CALCR: variants seen among roughly 807,000 people sequenced by gnomAD.
CALCR encodes calcitonin receptor.
A neutral mutation model predicts 59.5 loss-of-function variants in CALCR; 47 were observed. The observed-to-expected ratio is 0.79, with a 90% CI of 0.63 to 1.01. CALCR has a LOEUF of 1.01. Ranked by LOEUF, CALCR falls within the 50% of genes least tolerant of loss-of-function variation. The pLI, the probability that CALCR is intolerant of heterozygous loss-of-function variation, is 0.00. For missense variants in CALCR, 566 were observed against 597.1 expected (o/e 0.95, Z 0.54); for synonymous variants, 213 against 211.3 (o/e 1.01, Z -0.07).
chr7:93,527,064 A>T (rs866644123), intron 2 of CALCR, among the ~76,000 whole-genome samples: 131 of 152,058 alleles, frequency 8.6e-4, no homozygotes, highest in African/African-American at 3.0e-3. Context: ...TGTATTATGA[A>T]ATGTATTTTT....
chr7:93,436,238 A>G (rs1799776169), intron 11 of CALCR, 68 bp from the exon 12 acceptor site: 20 of 1,290,144 alleles, frequency 1.6e-5, no homozygotes, highest in Non-Finnish European at 1.9e-5. Context: ...CACTGTTCTC[A>G]ATTCTTGTTT....
At chr7:93,527,008 T>C (rs1349257986) in intron 2 of CALCR, among the ~76,000 whole-genome samples, 1 of 151,928 alleles carries the variant, frequency 6.6e-6, no homozygotes, top group Non-Finnish European at 1.5e-5. Flanking sequence ...TTGGGAAAAG[T>C]CTATTTTTTT....
At chr7:93,569,576 G>C (rs1328367526) in intron 2 of CALCR, among the ~76,000 whole-genome samples, 2 of 151,990 alleles carry the variant, frequency 1.3e-5, no homozygotes, top group Admixed American at 1.3e-4. Context: ...CACCCTCATG[G>C]CATTTCTCTA....
At chr7:93,442,693 G>T (rs1799932564) in intron 9 of CALCR, among the ~76,000 whole-genome samples, 1 of 152,084 alleles carries the variant, frequency 6.6e-6, no homozygotes, top group African/African-American at 2.4e-5. Context: ...TTAGTTGAAG[G>T]CCATCCACAG....
intron 2 of CALCR, among the ~76,000 whole-genome samples, chr7:93,568,509 TTCTCTCTCTC>T (rs4015269): frequency 0.32 from 32,626 of 101,904 alleles, 4,426 homozygotes; most frequent in East Asian, 0.4. Flanking sequence ...TAAAATTACT[TTCTCTCTCTC>T]TCTCTCTCTC....
At chr7:93,536,224 C>G (rs1030398832) in intron 2 of CALCR, among the ~76,000 whole-genome samples, 1 of 151,702 alleles carries the variant, frequency 6.6e-6, no homozygotes, top group African/African-American at 2.4e-5. Flanking sequence ...GTTTTCTATG[C>G]TAAATGCCTC....
intron 2 of CALCR, among the ~76,000 whole-genome samples, chr7:93,572,434 T>C (rs1471082264): frequency 2.0e-5 from 3 of 152,120 alleles, no homozygotes; most frequent in Non-Finnish European, 4.4e-5. Context: ...TGAATTGGGG[T>C]AAGGCTGAGC....
chr7:93,520,176 A>G (rs1801732213), intron 2 of CALCR, among the ~76,000 whole-genome samples: 1 of 152,028 alleles, frequency 6.6e-6, no homozygotes, highest in East Asian at 1.9e-4. Flanking sequence ...AAAAGATGGA[A>G]AATAGCTGGT....
chr7:93,426,530 C>A lies in CALCR; in HGVS notation c.1251G>T (p.Trp417Cys), dbSNP rs529140021. The A allele has an allele frequency of 1.9e-6, 3 of 1,613,742 alleles. No individual in the cohort carries two copies. Among genetic ancestry groups the A allele is most frequent in the Non-Finnish European group, 1.7e-6 (2 of 1,179,706 alleles). The change falls in exon 14 of 14, where the codon TGG (tryptophan) becomes TGT (cysteine). Residue 417 changes from tryptophan (W) to cysteine (C), a missense_variant. Transcript: ENST00000426151. ...AQFKIQWNQRWGRRPSNRSAR... is the reference protein window; with the variant it reads ...AQFKIQWNQRCGRRPSNRSAR... ...CAGAGCGGTTGGAGGGGCGCCTCCC[C>A]CAACGCTGGTTCCACTGAATTTTGA...
In CALCR at chr7:93,472,381, T is replaced by C; in HGVS notation, c.423A>G (p.Lys141=). Residue 141 remains lysine (K), a synonymous_variant, in exon 6 of 14, where the codon AAA becomes AAG. Transcript: ENST00000426151. ...AACGTGAAAAAGAACCTACCTTCAGTTTCTCAGGAGTGAAAGCATTGCACA... is the reference window on the plus strand; with the variant it reads ...AACGTGAAAAAGAACCTACCTTCAGCTTCTCAGGAGTGAAAGCATTGCACA... ...YTMCNAFTPE[K]LKNAYVLYYL... 4 of 1,589,732 alleles carry C rather than the reference T, an allele frequency of 2.5e-6. No homozygotes were observed. Among genetic ancestry groups the C allele is most frequent in the Non-Finnish European group, 3.4e-6 (4 of 1,160,566 alleles).
At chr7:93,527,256 CATTA>C (rs1788681271) in intron 2 of CALCR, among the ~76,000 whole-genome samples, 1 of 151,272 alleles carries the variant, frequency 6.6e-6, no homozygotes, top group Admixed American at 6.6e-5. Flanking sequence ...ATGTACATAT[CATTA>C]TACTAAAATA....
chr7:93,460,281 T>A (rs986360646), intron 8 of CALCR, among the ~76,000 whole-genome samples: 16 of 151,756 alleles, frequency 1.1e-4, no homozygotes, highest in African/African-American at 3.6e-4. Flanking sequence ...TTGGGCCGGG[T>A]GTGGTGGCTC....
intron 2 of CALCR, among the ~76,000 whole-genome samples, chr7:93,522,239 C>T (rs1172339855): frequency 1.3e-5 from 2 of 152,058 alleles, no homozygotes; most frequent in African/African-American, 2.4e-5. Flanking sequence ...AAGAAAATGG[C>T]TTTAAATATC....
At chr7:93,554,298 T>C (rs1432241751) in intron 2 of CALCR, among the ~76,000 whole-genome samples, 2 of 152,210 alleles carry the variant, frequency 1.3e-5, no homozygotes, top group East Asian at 3.8e-4. Context: ...TATATTTATT[T>C]CTCATGAAAT....
At chr7:93,460,020 G>C (rs768322412) in intron 8 of CALCR, among the ~76,000 whole-genome samples, 34 of 152,100 alleles carry the variant, frequency 2.2e-4, no homozygotes, top group Non-Finnish European at 3.7e-4. Context: ...CACAAAACAT[G>C]ATCATATTTA....
chr7:93,558,022 G>A (rs947569068), intron 2 of CALCR, among the ~76,000 whole-genome samples: 11 of 151,634 alleles, frequency 7.3e-5, no homozygotes, highest in Non-Finnish European at 1.0e-4. Context: ...GGGAAATGTC[G>A]CCTTGTCTTT....
chr7:93,426,497 A>G lies in CALCR; in HGVS notation c.1284T>C (p.Ala428=). 6.2e-7 allele frequency: 1 copy of G among 1,613,662 alleles called. No individual in the cohort carries two copies. The highest frequency in any genetic ancestry group is 1.6e-4 in the Middle Eastern group (1 of 6,062). ...GRRPSNRSAR[A]AAAAAEAGDI... ...CGCCAGCCTCCGCAGCAGCGGCTGC[A>G]GCGCGAGCAGAGCGGTTGGAGGGGC... The change falls in exon 14 of 14, where the codon GCT becomes GCC. Residue 428 remains alanine, a synonymous_variant. Coordinates refer to ENST00000426151, the MANE Select transcript of CALCR (RefSeq NM_001742.4).
Position 93,501,552 on chromosome 7 carries a change from A to C in CALCR, c.-26-14545T>G, listed in dbSNP as rs532589971. On this transcript the variant is annotated intron_variant, in intron 2 of 13. Transcript: ENST00000426151. ...GGATGCAGATGGGATAATAACTGAG[A>C]AGTTCAGTTATTTCAGAACGTGTCT... Among the ~76,000 whole-genome samples the C allele has an allele frequency of 1.8e-4, 27 of 152,180 alleles. No homozygotes were observed. In the South Asian group the frequency reaches 5.6e-3, roughly 32 times the overall value.
Position 93,479,426 on chromosome 7 carries a change from G to C in CALCR, c.133C>G (p.Arg45Gly), listed in dbSNP as rs762940513. 2 of 1,612,308 alleles carry C rather than the reference G, an allele frequency of 1.2e-6. No homozygotes were observed. The highest frequency in any genetic ancestry group is 1.7e-6 in the Non-Finnish European group (2 of 1,179,020). ...TACTGTGCATCCATCATCTTCTTTC[G>C]TCCTACGACGTAAAGAAATGGCTTG... ...EPKPFLYVVG[R>G]KKMMDAQYKC... The change falls in exon 4 of 14, where the codon CGA (arginine) becomes GGA (glycine). Residue 45 changes from arginine (R) to glycine (G), a missense_variant. By Grantham distance (125) the Arg-to-Gly change is moderately radical. Transcript: ENST00000426151.
Sources: allele counts gnomAD v4.1 joint callset (sites outside exome capture counted in the v4.1 genomes callset), GRCh38; gene constraint gnomAD v4.1.1; transcripts MANE v1.5; gene names NCBI Gene and HGNC (gene_info 2026-07-23, HGNC 2026-07-21).